The following NUP58 variants were observed in gnomAD, a reference collection of about 807,000 sequenced individuals.
NUP58 encodes the protein nucleoporin p58/p45.
Under a neutral mutation model 70.1 loss-of-function variants are expected in NUP58, and 17 were observed. The ratio of observed to expected loss-of-function variants is 0.24; its 90% CI spans 0.17 to 0.36. NUP58 has a LOEUF of 0.36. Among genes scored for constraint, NUP58 ranks in the 10% least tolerant of loss-of-function variants. The probability of loss-of-function intolerance (pLI) is 1.00; values close to 1 mark genes in which losing one functional copy is unlikely to be tolerated. For synonymous variants in NUP58, 275 were observed against 257.6 expected (o/e 1.07, Z -0.65); for missense variants, 644 against 701.5 (o/e 0.92, Z 0.93).
intron 6 of NUP58, 23 bp from the exon 7 acceptor site, chr13:25,319,303 G>A (rs779219748): frequency 1.2e-5 from 19 of 1,609,530 alleles, no homozygotes; most frequent in East Asian, 6.7e-5. Context: ...TTTTTTTTAC[G>A]TGAAGCTTCT....
intron 1 of NUP58, among the ~76,000 whole-genome samples, chr13:25,305,571 GTACTTCTCCTTT>G (rs1230958142): frequency 2.0e-5 from 3 of 152,102 alleles, no homozygotes; most frequent in Non-Finnish European, 4.4e-5. Context: ...TTAAAAATCA[GTACTTCTCCTTT>G]TACCTACTCA....
At chr13:25,301,947 GGT>G in intron 1 of NUP58, 67 bp downstream of exon 1, 1 of 1,022,970 alleles carries the variant, frequency 9.8e-7, no homozygotes, top group Non-Finnish European at 1.5e-6. Flanking sequence ...AAGCTCCCTT[GGT>G]GTCCCCATCC....
downstream of NUP58, among the ~76,000 whole-genome samples, chr13:25,347,134 T>C (rs369245149): frequency 2.0e-5 from 3 of 152,330 alleles, no homozygotes; most frequent in African/African-American, 4.8e-5. Context: ...AATGTAGTAT[T>C]GACTGACCCT....
chr13:25,320,816 G>C (rs1566063863), intron 8 of NUP58, 103 bp from the exon 9 acceptor site: 15 of 830,064 alleles, frequency 1.8e-5, no homozygotes, highest in Non-Finnish European at 2.5e-5. Flanking sequence ...TGAATTTTTA[G>C]TTTTGTATTT....
At chr13:25,332,518 T>C (rs2031644497) in intron 13 of NUP58, 1 of 966,398 alleles carries the variant, frequency 1.0e-6, no homozygotes, top group Non-Finnish European at 1.2e-6. Context: ...TATAGTCCAG[T>C]AGTACATTAT....
intron 9 of NUP58, among the ~76,000 whole-genome samples, chr13:25,321,515 A>T (rs1463931942): frequency 2.0e-5 from 3 of 152,324 alleles, no homozygotes; most frequent in Admixed American, 6.5e-5. Context: ...GAGGAAACAT[A>T]GCTAGTCAGA....
At chr13:25,302,944 G>C (rs757046335) in intron 1 of NUP58, 32 of 456,538 alleles carry the variant, frequency 7.0e-5, no homozygotes, top group South Asian at 5.0e-4. Flanking sequence ...ACCCTGCTTA[G>C]GCTATTGTCA....
downstream of NUP58, among the ~76,000 whole-genome samples, chr13:25,346,591 A>T (rs964323443): frequency 2.0e-5 from 3 of 151,912 alleles, no homozygotes; most frequent in African/African-American, 7.3e-5. Flanking sequence ...GTGGTGGCAC[A>T]TGCCTATAAT....
chr13:25,322,947 C>T (rs536919034), intron 9 of NUP58, among the ~76,000 whole-genome samples: 2 of 152,126 alleles, frequency 1.3e-5, no homozygotes, highest in Admixed American at 6.5e-5. Flanking sequence ...ATTTAGAAAA[C>T]ATAATTAGAG....
chr13:25,327,517 GTT>G lies in NUP58; in HGVS notation c.1233+8_1233+9del. On this transcript the variant is annotated splice_donor_region_variant and intron_variant, in intron 12 of 15. Coordinates refer to ENST00000381736, the MANE Select transcript of NUP58 (RefSeq NM_014089.4). ...TCTATTCATGAAAATGTAAAGGTAA[GTT>G]TTCATTACCCATTTATCTACCTGGA... 6.3e-7 allele frequency: 1 copy of G among 1,589,914 alleles called. No homozygotes were observed. Among genetic ancestry groups the G allele is most frequent in the Non-Finnish European group, 8.6e-7 (1 of 1,160,804 alleles).
chr13:25,337,710 T>C (rs936326146), intron 14 of NUP58, among the ~76,000 whole-genome samples: 3 of 152,152 alleles, frequency 2.0e-5, no homozygotes, highest in African/African-American at 7.2e-5. Context: ...CACTAAAATA[T>C]AAGACGGGAG....
intron 4 of NUP58, 38 bp downstream of exon 4, chr13:25,313,070 A>G (rs749252318): frequency 6.3e-7 from 1 of 1,597,344 alleles, no homozygotes; most frequent in South Asian, 1.1e-5. Flanking sequence ...TTAATGGTTA[A>G]ATTTCAATTT....
In NUP58 at chr13:25,331,406, C is replaced by T. The variant is rs1202801096; in HGVS notation, c.1283C>T (p.Ala428Val). The T allele has an allele frequency of 1.2e-6, 2 of 1,613,966 alleles. No individual in the cohort carries two copies. The highest frequency in any genetic ancestry group is 2.7e-5 in the African/African-American group (2 of 74,898). Residue 428 changes from alanine (A) to valine (V), a missense_variant, in exon 13 of 16, where the codon GCT (alanine) becomes GTT (valine). Ala to Val is a moderately conservative substitution (Grantham distance 64, BLOSUM62 0). Coordinates refer to ENST00000381736, the MANE Select transcript of NUP58 (RefSeq NM_014089.4). Reference protein sequence around the residue: ...LGYRKMFLGDAVDVFETRRAE... With the variant: ...LGYRKMFLGDVVDVFETRRAE... ...TACAGGAAAATGTTCTTGGGAGATG[C>T]TGTTGATGTGTTTGAAACAAGGCGA...
intron 6 of NUP58, among the ~76,000 whole-genome samples, chr13:25,316,422 A>G (rs2030931682): frequency 6.8e-6 from 1 of 146,916 alleles, no homozygotes; most frequent in South Asian, 2.2e-4. Context: ...TGAAGCTGTG[A>G]AATAGTATCT....
intron 10 of NUP58, among the ~76,000 whole-genome samples, chr13:25,326,132 A>G (rs955082256): frequency 5.3e-5 from 8 of 152,212 alleles, no homozygotes; most frequent in African/African-American, 1.9e-4. Context: ...AGTTCTCAAA[A>G]TCAGGAAATT....
At chr13:25,331,858 A>G (rs917504978) in intron 13 of NUP58, 40 of 1,175,270 alleles carry the variant, frequency 3.4e-5, no homozygotes, top group Non-Finnish European at 4.2e-5. Flanking sequence ...ACATTTAAGA[A>G]TAACATTAGA....
chr13:25,314,643 C>T (rs1231834398), intron 5 of NUP58, among the ~76,000 whole-genome samples: 3 of 152,024 alleles, frequency 2.0e-5, no homozygotes, highest in East Asian at 1.9e-4. Context: ...TGCAGTGAGC[C>T]GAGATCATGC....
chr13:25,320,405 G>C (rs1566063659), intron 7 of NUP58, 125 bp from the exon 8 acceptor site: 3 of 604,688 alleles, frequency 5.0e-6, no homozygotes, highest in Non-Finnish European at 8.7e-6. Flanking sequence ...AAATCATCCA[G>C]AGAAGCCATA....
chr13:25,349,049 A>G (rs2032079729), intron 3 of NUP58, among the ~76,000 whole-genome samples: 1 of 152,008 alleles, frequency 6.6e-6, no homozygotes, highest in Non-Finnish European at 1.5e-5. Context: ...ATCCTTCTCT[A>G]ACTACCCCCG....
Sources: allele counts gnomAD v4.1 joint callset (sites outside exome capture counted in the v4.1 genomes callset), GRCh38; gene constraint gnomAD v4.1.1; transcripts MANE v1.5; gene names NCBI Gene and HGNC (gene_info 2026-07-23, HGNC 2026-07-21).